NEGR1: variants seen among roughly 807,000 people sequenced by gnomAD.
NEGR1 encodes the protein neuronal growth regulator 1.
A neutral mutation model predicts 40.9 loss-of-function variants in NEGR1; 10 were observed. The observed-to-expected ratio is 0.24, with a 90% CI of 0.15 to 0.42. The LOEUF (loss-of-function observed/expected upper bound fraction) is 0.42. Ranked by LOEUF, NEGR1 falls within the 10% of genes least tolerant of loss-of-function variation. The pLI, the probability that NEGR1 is intolerant of heterozygous loss-of-function variation, is 1.00. For missense variants in NEGR1, 352 were observed against 438.9 expected, an observed-to-expected ratio of 0.80 and a Z score of 1.77; for synonymous variants, 185 against 166.8, an observed-to-expected ratio of 1.11 and a Z score of -0.84.
chr1:72,087,776 T>C (rs1328817069), intron 1 of NEGR1, among the ~76,000 whole-genome samples: 1 of 134,328 alleles, frequency 7.4e-6, no homozygotes, highest in African/African-American at 2.7e-5. Context: ...TTTTTTTTAA[T>C]GTAGAGACAG....
chr1:71,797,055 C>A (rs1443490224), intron 2 of NEGR1, among the ~76,000 whole-genome samples: 2 of 152,098 alleles, frequency 1.3e-5, no homozygotes, highest in African/African-American at 4.8e-5. Context: ...AGAAGGACTT[C>A]AGACAAGCTA....
At chr1:71,450,964 C>T (rs1283670441) in intron 6 of NEGR1, among the ~76,000 whole-genome samples, 1 of 152,016 alleles carries the variant, frequency 6.6e-6, no homozygotes, top group Non-Finnish European at 1.5e-5. Context: ...GTGTAGCCTC[C>T]TCATTGTCTT....
intron 6 of NEGR1, among the ~76,000 whole-genome samples, chr1:71,501,772 T>A (rs1312174966): frequency 1.3e-5 from 2 of 152,142 alleles, no homozygotes; most frequent in Non-Finnish European, 2.9e-5. Context: ...ATAAGAAGAA[T>A]AAAAAATATG....
At chr1:71,575,795 A>AAAACAAAAACG (rs1419097381) in intron 6 of NEGR1, among the ~76,000 whole-genome samples, 1 of 26,120 alleles carries the variant, frequency 3.8e-5, no homozygotes, top group Non-Finnish European at 1.4e-4. Flanking sequence ...AACAAAAACA[A>AAAACAAAAACG]AAACAAAACA....
At position 71,926,118 on chromosome 1, in the gene NEGR1, C is replaced by A. The variant is rs932585340; in HGVS notation, c.409+8961G>T. Reference sequence around the variant, plus strand: ...TCTGTGCTTCAGGAATTGTAAGAAACATCCATTAATCATTAAAGGGACTTT... The same window carrying A: ...TCTGTGCTTCAGGAATTGTAAGAAAAATCCATTAATCATTAAAGGGACTTT... On this transcript the variant is annotated intron_variant, in intron 2 of 6. Transcript: ENST00000357731. Among the ~76,000 whole-genome samples the A allele has an allele frequency of 6.6e-5, 10 of 152,190 alleles. No individual in the cohort carries two copies. In the East Asian group the frequency reaches 1.2e-3, roughly 18 times the overall value.
chr1:72,052,846 C>T (rs781440532), intron 1 of NEGR1, among the ~76,000 whole-genome samples: 1 of 151,336 alleles, frequency 6.6e-6, no homozygotes, highest in Non-Finnish European at 1.5e-5. Flanking sequence ...TTTATATTTG[C>T]ATTTGTCCAG....
At chr1:71,968,399 ATTTCT>A (rs1158629203) in intron 1 of NEGR1, among the ~76,000 whole-genome samples, 4 of 152,248 alleles carry the variant, frequency 2.6e-5, no homozygotes, top group South Asian at 2.1e-4. Flanking sequence ...GTTACAGTAC[ATTTCT>A]TTTCTATTTG....
intron 2 of NEGR1, among the ~76,000 whole-genome samples, chr1:71,780,732 G>C (rs186131507): frequency 6.6e-6 from 1 of 152,136 alleles, no homozygotes; most frequent in Admixed American, 6.5e-5. Flanking sequence ...CTTTTATTTA[G>C]TTGGTTCCAC....
In NEGR1 at chr1:71,823,580, A is replaced by G. The variant is rs568297312; in HGVS notation, c.410-47283T>C. ...TTGATAAATTTTATCCTCTATTCTC[A>G]GCACACTTTTTTCTTACTTCATAGC... On this transcript the variant is annotated intron_variant, in intron 2 of 6. Coordinates refer to ENST00000357731, the MANE Select transcript of NEGR1 (RefSeq NM_173808.3). 5.3e-5 allele frequency among the ~76,000 whole-genome samples: 8 copies of G among 152,156 alleles called. No individual in the cohort carries two copies. In the South Asian group the frequency reaches 8.3e-4, roughly 16 times the overall value.
rs537758970 is a variant in NEGR1 at position 71,991,063 on chromosome 1, G to C, written c.177-55752C>G. 5.9e-5 allele frequency among the ~76,000 whole-genome samples: 9 copies of C among 152,044 alleles called. 1 individual carries two copies. The South Asian group carries it at 1.2e-3, about 21-fold the overall frequency. On this transcript the variant is annotated intron_variant, in intron 1 of 6. Coordinates refer to ENST00000357731, the MANE Select transcript of NEGR1 (RefSeq NM_173808.3). ...ATCCTGTAGTTCAGAACAGAAAACT[G>C]AGTGGTATTCTAGAAGCCATCATTT...
At chr1:71,894,330 A>G (rs1165557509) in intron 2 of NEGR1, among the ~76,000 whole-genome samples, 1 of 152,188 alleles carries the variant, frequency 6.6e-6, no homozygotes, top group African/African-American at 2.4e-5. Context: ...AAACATCTGT[A>G]GTAGTTCAAG....
At chr1:71,871,962 T>C (rs1448522366) in intron 2 of NEGR1, among the ~76,000 whole-genome samples, 1 of 152,160 alleles carries the variant, frequency 6.6e-6, no homozygotes, top group African/African-American at 2.4e-5. Flanking sequence ...TTAATATTGT[T>C]TGCATAGAAT....
chr1:72,079,356 G>C (rs1483791996), intron 1 of NEGR1, among the ~76,000 whole-genome samples: 3 of 151,868 alleles, frequency 2.0e-5, no homozygotes, highest in African/African-American at 7.2e-5. Flanking sequence ...TAGTATGCCA[G>C]TGGGAACAGA....
chr1:71,572,754 A>T (rs1179607229), intron 6 of NEGR1, among the ~76,000 whole-genome samples: 1 of 152,244 alleles, frequency 6.6e-6, no homozygotes, highest in Non-Finnish European at 1.5e-5. Context: ...ACTAGTTAAT[A>T]AATGCCTGAT....
Position 71,935,179 on chromosome 1 carries a change from G to A in NEGR1, c.309C>T (p.Leu103=). 6.2e-7 allele frequency: 1 copy of A among 1,613,462 alleles called. No homozygotes were observed. Among genetic ancestry groups the A allele is most frequent in the Non-Finnish European group, 8.5e-7 (1 of 1,179,528 alleles). Residue 103 remains leucine (L), a synonymous_variant, in exon 2 of 7, where the codon CTC becomes CTT. Transcript: ENST00000357731. ...CTGTCACATCTACATTCTGTATCTG[G>A]AGGCTGTAGTCCCTTTTATTCAATG... The part of the protein sequence containing the change: ...ISTLNKRDYS[L]QIQNVDVTDD...
In NEGR1 at chr1:71,403,523, A is replaced by C. The variant is rs1033590866; in HGVS notation, c.*3923T>G. The C allele has an allele frequency of 1.6e-4, 30 of 186,416 alleles. No individual in the cohort carries two copies. Among genetic ancestry groups the C allele is most frequent in the Non-Finnish European group, 2.2e-4 (20 of 91,010 alleles). The allele number at this position is 186,416 out of a possible 1,614,324, so 11.5% of individuals were successfully genotyped here. A position where few individuals can be genotyped will look rare whatever the true frequency, so the allele number is the denominator to read the frequency against. ...AGTTTAGATGTAGTTCAGCTCATCA[A>C]ACCTTTTAGGAATCAGCAACAGCAA... On this transcript the variant is annotated 3_prime_UTR_variant, in exon 7 of 7. Transcript: ENST00000357731.
intron 2 of NEGR1, among the ~76,000 whole-genome samples, chr1:71,866,199 T>A (rs1003046299): frequency 6.6e-6 from 1 of 152,184 alleles, no homozygotes; most frequent in African/African-American, 2.4e-5. Context: ...ACAAAAAAAC[T>A]ACTTGAATAA....
At chr1:71,694,712 T>C (rs1378224564) in intron 4 of NEGR1, among the ~76,000 whole-genome samples, 2 of 151,788 alleles carry the variant, frequency 1.3e-5, no homozygotes, top group Non-Finnish European at 3.0e-5. Flanking sequence ...CATTTCTAAA[T>C]TTCAGGGAAC....
At chr1:72,254,219 G>A (rs1235314158) in intron 1 of NEGR1, among the ~76,000 whole-genome samples, 2 of 152,140 alleles carry the variant, frequency 1.3e-5, no homozygotes, top group African/African-American at 4.8e-5. Flanking sequence ...TTTCGTAGGT[G>A]TATTTATGGC....
Sources: allele counts gnomAD v4.1 joint callset (sites outside exome capture counted in the v4.1 genomes callset), GRCh38; gene constraint gnomAD v4.1.1; transcripts MANE v1.5; gene names NCBI Gene and HGNC (gene_info 2026-07-23, HGNC 2026-07-21).